HSD11B1: variants seen among roughly 807,000 people sequenced by gnomAD.
HSD11B1 encodes the protein hydroxysteroid 11-beta dehydrogenase 1.
In HSD11B1, 15 loss-of-function variants were observed where a neutral mutation model predicts 22.1. The observed-to-expected ratio is 0.68, with a 90% confidence interval of 0.45 to 1.04. HSD11B1 has a LOEUF of 1.04. HSD11B1 is among the 50% of genes least tolerant of loss of function. The probability of loss-of-function intolerance (pLI) is 0.00; values close to 1 mark genes in which losing one functional copy is unlikely to be tolerated. For missense variants in HSD11B1, 281 were observed against 357.6 expected (o/e 0.79, Z 1.73); for synonymous variants, 122 against 125.2 (o/e 0.97, Z 0.17).
chr1:209,689,879 C>G (rs1435043541), intron 1 of HSD11B1, among the ~76,000 whole-genome samples: 1 of 152,140 alleles, frequency 6.6e-6, no homozygotes, highest in African/African-American at 2.4e-5. Flanking sequence ...GGGACAAAAG[C>G]CTTAGATACT....
Position 209,732,581 on chromosome 1 carries a change from T to A in HSD11B1, c.661+2T>A. 1 of 1,611,434 alleles carries A rather than the reference T, an allele frequency of 6.2e-7. No individual in the cohort carries two copies. Among genetic ancestry groups the A allele is most frequent in the Non-Finnish European group, 8.5e-7 (1 of 1,177,628 alleles). On this transcript the variant is annotated splice_donor_variant, in intron 5 of 5. Coordinates refer to ENST00000367027, the MANE Select transcript of HSD11B1 (RefSeq NM_005525.4). LOFTEE classifies it high-confidence loss of function. ...GTGTTCTTGGCCTCATAGACACAGG[T>A]AAGGTCAATACTTTGTGTTTTTTTT... is the stretch of plus-strand genomic sequence containing the variant.
At chr1:209,688,932 G>A (rs546463003) in intron 1 of HSD11B1, among the ~76,000 whole-genome samples, 1 of 152,326 alleles carries the variant, frequency 6.6e-6, no homozygotes, top group African/African-American at 2.4e-5. Flanking sequence ...ACCCAAGACT[G>A]CTGGAGTCTG....
At chr1:209,725,451 C>T (rs750770318) in intron 4 of HSD11B1, among the ~76,000 whole-genome samples, 2 of 152,182 alleles carry the variant, frequency 1.3e-5, no homozygotes, top group Non-Finnish European at 2.9e-5. Flanking sequence ...GGTGGAGTTT[C>T]CTGATAGTCC....
intron 1 of HSD11B1, among the ~76,000 whole-genome samples, chr1:209,694,294 C>T (rs1330251341): frequency 5.9e-5 from 9 of 152,182 alleles, no homozygotes; most frequent in Admixed American, 5.2e-4. Context: ...TACCCTGTGC[C>T]AAGCACCGTA....
chr1:209,711,624 G>A (rs2076895967), intron 4 of HSD11B1, among the ~76,000 whole-genome samples: 1 of 152,248 alleles, frequency 6.6e-6, no homozygotes, highest in Admixed American at 6.5e-5. Context: ...GGTGAGGTAT[G>A]TGTTTGTGTA....
At position 209,734,615 on chromosome 1, in the gene HSD11B1, T is replaced by C. The variant is rs2077056303; in HGVS notation, c.*94T>C. 1 of 971,960 alleles carries C rather than the reference T, an allele frequency of 1.0e-6. No homozygotes were observed. The highest frequency in any genetic ancestry group is 1.7e-5 in the Admixed American group (1 of 57,870). The allele number at this position is 971,960 out of a possible 1,614,324, so 60.2% of individuals were successfully genotyped here. Reference sequence around the variant, plus strand: ...TATCTATGAAGACATCTTCCCAGAGTGTCCCCAGAGACATGCAAGTCATGG... The same window carrying C: ...TATCTATGAAGACATCTTCCCAGAGCGTCCCCAGAGACATGCAAGTCATGG... On this transcript the variant is annotated 3_prime_UTR_variant, in exon 6 of 6. Coordinates refer to ENST00000367027, the MANE Select transcript of HSD11B1 (RefSeq NM_005525.4).
intron 1 of HSD11B1, among the ~76,000 whole-genome samples, chr1:209,695,032 C>G (rs1459076418): frequency 6.6e-6 from 1 of 152,162 alleles, no homozygotes; most frequent in African/African-American, 2.4e-5. Context: ...CCCCCATAAT[C>G]TCATCTGTTC....
At chr1:209,688,544 T>G (rs1245436098) in intron 1 of HSD11B1, among the ~76,000 whole-genome samples, 1 of 152,162 alleles carries the variant, frequency 6.6e-6, no homozygotes, top group Non-Finnish European at 1.5e-5. Flanking sequence ...AGTATTTTTT[T>G]AAATGGACGA....
upstream of HSD11B1, among the ~76,000 whole-genome samples, chr1:209,703,286 T>C (rs1308105437): frequency 6.6e-6 from 1 of 152,182 alleles, no homozygotes; most frequent in African/African-American, 2.4e-5. Flanking sequence ...CTATTAATAG[T>C]ATAGGATTAA....
upstream of HSD11B1, among the ~76,000 whole-genome samples, chr1:209,701,525 G>A (rs1223249431): frequency 6.6e-6 from 1 of 152,140 alleles, no homozygotes; most frequent in Non-Finnish European, 1.5e-5. Context: ...CTCATGTAAT[G>A]CAAAGATCCT....
chr1:209,701,489 G>A (rs2076826692), upstream of HSD11B1, among the ~76,000 whole-genome samples: 1 of 152,142 alleles, frequency 6.6e-6, no homozygotes, highest in Non-Finnish European at 1.5e-5. Context: ...AGATTTGGGT[G>A]GGGACACAGC....
At chr1:209,705,158 G>C in intron 1 of HSD11B1, 128 bp downstream of exon 1, 1 of 792,190 alleles carries the variant, frequency 1.3e-6, no homozygotes. Context: ...CCTGAGTTAA[G>C]ATGGTATTTT....
chr1:209,722,928 G>T (rs990021448), intron 4 of HSD11B1, among the ~76,000 whole-genome samples: 1 of 152,140 alleles, frequency 6.6e-6, no homozygotes, highest in Non-Finnish European at 1.5e-5. Context: ...GGTAGAGAGG[G>T]GATGAACGAA....
At chr1:209,690,356 G>A (rs1410181407) in intron 1 of HSD11B1, among the ~76,000 whole-genome samples, 2 of 151,974 alleles carry the variant, frequency 1.3e-5, no homozygotes, top group African/African-American at 2.4e-5. Context: ...TAAGTATGGA[G>A]AAGAAAAAAG....
At chr1:209,732,148 T>C (rs1269231514) in intron 4 of HSD11B1, among the ~76,000 whole-genome samples, 1 of 152,230 alleles carries the variant, frequency 6.6e-6, no homozygotes, top group Non-Finnish European at 1.5e-5. Context: ...AGTTAGCAGC[T>C]GTGGAATTAC....
upstream of HSD11B1, among the ~76,000 whole-genome samples, chr1:209,702,209 G>A (rs1034865074): frequency 3.3e-5 from 5 of 152,148 alleles, no homozygotes; most frequent in Admixed American, 3.3e-4. Context: ...AAGAAGATTT[G>A]GGGGATGGGA....
chr1:209,723,366 TG>T (rs1277585118), intron 4 of HSD11B1, among the ~76,000 whole-genome samples: 5 of 152,164 alleles, frequency 3.3e-5, no homozygotes, highest in Admixed American at 2.0e-4. Context: ...GCACATACAC[TG>T]GCACATTTTT....
At chr1:209,709,758 G>A (rs2076882580) in intron 4 of HSD11B1, among the ~76,000 whole-genome samples, 1 of 152,166 alleles carries the variant, frequency 6.6e-6, no homozygotes, top group Non-Finnish European at 1.5e-5. Context: ...TTCTGCCACA[G>A]CTGGCTGCAA....
In HSD11B1 at chr1:209,697,883, C is replaced by CTT. The variant is rs1558187212; in HGVS notation, c.-48-7012_-48-7011insTT. On this transcript the variant is annotated intron_variant, in intron 1 of 6. Transcript: ENST00000261465. ...TGAATGATTAATGGTTTTGTTTTTT[C>CTT]CTTTTTTTTTTTTTTTTTTTTTTTT... is the stretch of plus-strand genomic sequence containing the variant. Among the ~76,000 whole-genome samples, 144 of 21,890 alleles carry CTT rather than the reference C, an allele frequency of 6.6e-3. 4 individuals are homozygous for CTT. Among genetic ancestry groups the CTT allele is most frequent in the African/African-American group, 0.011 (134 of 11,968 alleles). The allele number at this position is 21,890 out of a possible 152,430, so 14.4% of individuals were successfully genotyped here.
Sources: allele counts gnomAD v4.1 joint callset (sites outside exome capture counted in the v4.1 genomes callset), GRCh38; gene constraint gnomAD v4.1.1; transcripts MANE v1.5; gene names NCBI Gene and HGNC (gene_info 2026-07-23, HGNC 2026-07-21).